Variants in PRMT2 observed in about 807,000 individuals in gnomAD.
PRMT2 encodes protein arginine methyltransferase 2.
Under a neutral mutation model 57.6 loss-of-function variants are expected in PRMT2, and 26 were observed. The observed-to-expected ratio is 0.45, with a 90% CI of 0.33 to 0.63. PRMT2 has a LOEUF of 0.63. Ranked by LOEUF, PRMT2 falls within the 20% of genes least tolerant of loss-of-function variation. The probability of loss-of-function intolerance (pLI) is 0.02; values close to 1 mark genes in which losing one functional copy is unlikely to be tolerated. For missense variants in PRMT2, 472 were observed against 564.4 expected (o/e 0.84, Z 1.66); for synonymous variants, 219 against 220.0 (o/e 1.00, Z 0.04).
At chr21:46,653,218 T>A (rs138595378) in intron 7 of PRMT2, 1 of 985,386 alleles carries the variant, frequency 1.0e-6, no homozygotes, top group African/African-American at 1.7e-5. Flanking sequence ...ATGTAATAAT[T>A]CTCTTCACAC....
At chr21:46,660,132 C>G in intron 8 of PRMT2, 1 of 973,048 alleles carries the variant, frequency 1.0e-6, no homozygotes, top group Non-Finnish European at 1.2e-6. Flanking sequence ...AAAACATTCA[C>G]TTTTATTTGC....
Position 46,649,538 on chromosome 21 carries a change from G to C in PRMT2, c.490-37G>C. The C allele has an allele frequency of 1.9e-6, 3 of 1,613,464 alleles. No individual in the cohort carries two copies. Among genetic ancestry groups the C allele is most frequent in the Non-Finnish European group, 2.5e-6 (3 of 1,180,002 alleles). On this transcript the variant is annotated intron_variant, in intron 6 of 11. Transcript: ENST00000355680. The surrounding 1 kb of genome is among the most constrained non-coding windows in gnomAD (Gnocchi z 4.8). ...GAGAGTAGATGACGGGCCGTGTGCCGGCCGGATGTACGCTGACGGTGCCTC... is the reference window on the plus strand; with the variant it reads ...GAGAGTAGATGACGGGCCGTGTGCCCGCCGGATGTACGCTGACGGTGCCTC...
chr21:46,642,983 TGCC>T (rs2061302589), intron 3 of PRMT2, among the ~76,000 whole-genome samples: 1 of 150,572 alleles, frequency 6.6e-6, no homozygotes, highest in Non-Finnish European at 1.5e-5. Context: ...GCCGAGATCA[TGCC>T]ATTGCCCTCC....
chr21:46,650,813 G>A (rs1425414921), intron 7 of PRMT2, among the ~76,000 whole-genome samples: 1 of 152,202 alleles, frequency 6.6e-6, no homozygotes, highest in Non-Finnish European at 1.5e-5. Flanking sequence ...CAGGAGGGAC[G>A]TGGGGCAGAG....
intron 7 of PRMT2, chr21:46,653,086 A>G (rs2061486307): frequency 3.9e-6 from 4 of 1,032,972 alleles, no homozygotes; most frequent in East Asian, 9.5e-5. Flanking sequence ...TGATGAGGAC[A>G]TATTATATTC....
In PRMT2 at chr21:46,649,241, T is replaced by A. The variant is rs1215463464; in HGVS notation, c.490-334T>A. 6.6e-6 allele frequency among the ~76,000 whole-genome samples: 1 copy of A among 152,212 alleles called. No homozygotes were observed. The highest frequency in any genetic ancestry group is 1.5e-5 in the Non-Finnish European group (1 of 68,032). ...TCAGATGTGGCACAGACCAGCATTG[T>A]CACTTGGGTGCTAAGAAGTTGCTGT... On this transcript the variant is annotated intron_variant, in intron 6 of 11. Transcript: ENST00000355680. This position sits in a 1 kb window ranked among gnomAD's most constrained non-coding sequence, Gnocchi z 4.8.
At chr21:46,653,198 G>C in intron 7 of PRMT2, 1 of 985,392 alleles carries the variant, frequency 1.0e-6, no homozygotes, top group African/African-American at 1.7e-5. Flanking sequence ...AACTGCTGAG[G>C]TTAACAAAGA....
At chr21:46,652,017 T>C (rs748223271) in intron 7 of PRMT2, 3 of 1,613,060 alleles carry the variant, frequency 1.9e-6, no homozygotes, top group Non-Finnish European at 2.5e-6. Flanking sequence ...CGCTGACATG[T>C]AGTAAAAGTC....
Position 46,648,253 on chromosome 21 carries a change from T to C in PRMT2, c.328-205T>C, listed in dbSNP as rs1217170660. 2 of 523,008 alleles carry C rather than the reference T, an allele frequency of 3.8e-6. No homozygotes were observed. Among genetic ancestry groups the C allele is most frequent in the South Asian group, 3.0e-5 (1 of 33,164 alleles). The allele number at this position is 523,008 out of a possible 1,614,324, so 32.4% of individuals were successfully genotyped here. A position where few individuals can be genotyped will look rare whatever the true frequency, so the allele number is the denominator to read the frequency against. On this transcript the variant is annotated intron_variant, in intron 5 of 11. Coordinates refer to ENST00000355680, the MANE Select transcript of PRMT2 (RefSeq NM_206962.4). The surrounding 1 kb of genome is among the most constrained non-coding windows in gnomAD (Gnocchi z 4.8). ...GTTCCTAGGTATTTTTTGTGTATTATTACTGTTATAAGGGGGTGGGTGAAG... is the reference window on the plus strand; with the variant it reads ...GTTCCTAGGTATTTTTTGTGTATTACTACTGTTATAAGGGGGTGGGTGAAG...
In PRMT2 at chr21:46,649,793, CGGGCTCGGCT is replaced by C. The variant is rs1569156761; in HGVS notation, c.654+59_654+68del. ...GCCGGAGCTGGGGGGCTTCTGAGCA[CGGGCTCGGCT>C]GGGCCAACCTCAGGATCTCAAGGGT... On this transcript the variant is annotated intron_variant, in intron 7 of 11. Transcript: ENST00000355680. The surrounding 1 kb of genome is among the most constrained non-coding windows in gnomAD (Gnocchi z 4.8). 2 of 1,581,092 alleles carry C rather than the reference CGGGCTCGGCT, an allele frequency of 1.3e-6. No individual in the cohort carries two copies. Among genetic ancestry groups the C allele is most frequent in the East Asian group, 4.6e-5 (2 of 43,134 alleles).
chr21:46,644,978 G>C (rs1316790721), intron 5 of PRMT2, among the ~76,000 whole-genome samples: 2 of 152,014 alleles, frequency 1.3e-5, no homozygotes, highest in East Asian at 1.9e-4. Context: ...GCTGACACCT[G>C]TAATCCCTAC....
chr21:46,649,468 C>T lies in PRMT2; in HGVS notation c.490-107C>T. 1 of 1,557,576 alleles carries T rather than the reference C, an allele frequency of 6.4e-7. No individual in the cohort carries two copies. Among genetic ancestry groups the T allele is most frequent in the Non-Finnish European group, 8.8e-7 (1 of 1,133,350 alleles). On this transcript the variant is annotated intron_variant, in intron 6 of 11. Coordinates refer to ENST00000355680, the MANE Select transcript of PRMT2 (RefSeq NM_206962.4). The surrounding 1 kb of genome is among the most constrained non-coding windows in gnomAD (Gnocchi z 4.8). Reference sequence around the variant, plus strand: ...CTCTGCTGTCTGGAATGCTGCTTCCCTCTTGTGTCATTGACCATTTCTCGT... The same window carrying T: ...CTCTGCTGTCTGGAATGCTGCTTCCTTCTTGTGTCATTGACCATTTCTCGT...
At position 46,648,662 on chromosome 21, in the gene PRMT2, C is replaced by G; in HGVS notation, c.489+43C>G. 6.3e-7 allele frequency: 1 copy of G among 1,599,954 alleles called. No homozygotes were observed. Among genetic ancestry groups the G allele is most frequent in the Non-Finnish European group, 8.5e-7 (1 of 1,169,842 alleles). On this transcript the variant is annotated intron_variant, in intron 6 of 11. Coordinates refer to ENST00000355680, the MANE Select transcript of PRMT2 (RefSeq NM_206962.4). The surrounding 1 kb of genome is among the most constrained non-coding windows in gnomAD (Gnocchi z 4.8). ...CGCATCCCGGGTGTTTGTGCCGAGG[C>G]TGGTGACGTCCGAGGTGGCCTCTGA...
Position 46,648,746 on chromosome 21 carries a change from TGAGCACCCTGCACGTGGGGCTCAGGGTCG to T in PRMT2, c.489+129_489+157del. The T allele has an allele frequency of 2.4e-6, 3 of 1,234,106 alleles. No individual in the cohort carries two copies. The highest frequency in any genetic ancestry group is 3.4e-6 in the Non-Finnish European group (3 of 880,356). 76.4% of individuals were successfully genotyped at this position (1,234,106 alleles called of 1,614,324 possible). ...CTCACCGGTGACTCCATGGTCTTGT[TGAGCACCCTGCACGTGGGGCTCAGGGTCG>T]GTAAAATAGCAGTGCGTGGAGACCG... On this transcript the variant is annotated intron_variant, in intron 6 of 11. Transcript: ENST00000355680. The surrounding 1 kb of genome is among the most constrained non-coding windows in gnomAD (Gnocchi z 4.8).
At chr21:46,644,562 T>A (rs1320336886) in intron 5 of PRMT2, 74 bp downstream of exon 5, 2 of 1,436,338 alleles carry the variant, frequency 1.4e-6, no homozygotes, top group African/African-American at 2.9e-5. Flanking sequence ...ACTGCAACGT[T>A]CAGAGCAGGC....
At position 46,664,263 on chromosome 21, in the gene PRMT2, C is replaced by T. The variant is rs767210454; in HGVS notation, c.1270-32C>T. The T allele has an allele frequency of 6.7e-6, 10 of 1,483,794 alleles. No individual in the cohort carries two copies. In the African/African-American group the frequency reaches 8.3e-5, roughly 12 times the overall value. The allele number at this position is 1,483,794 out of a possible 1,614,324, so 91.9% of individuals were successfully genotyped here. A position where few individuals can be genotyped will look rare whatever the true frequency, so the allele number is the denominator to read the frequency against. On this transcript the variant is annotated intron_variant, in intron 11 of 11. Transcript: ENST00000355680. The stretch of plus-strand genomic sequence containing the variant: ...GTATGTTAATCAAATGATTTATCAT[C>T]TGATTGACCTGTTGTCATTTATCTT...
In PRMT2 at chr21:46,648,638, G is replaced by A. The variant is rs532699148; in HGVS notation, c.489+19G>A. The A allele has an allele frequency of 2.0e-4, 324 of 1,606,096 alleles. 5 individuals are homozygous for A. In the South Asian group the frequency reaches 3.3e-3, roughly 16 times the overall value. ...TAGAGCGGTGAGTGGGGTCTCGAGCGCATCCCGGGTGTTTGTGCCGAGGCT... is the reference window on the plus strand; with the variant it reads ...TAGAGCGGTGAGTGGGGTCTCGAGCACATCCCGGGTGTTTGTGCCGAGGCT... On this transcript the variant is annotated intron_variant, in intron 6 of 11. Coordinates refer to ENST00000355680, the MANE Select transcript of PRMT2 (RefSeq NM_206962.4). This position sits in a 1 kb window ranked among gnomAD's most constrained non-coding sequence, Gnocchi z 4.8.
At chr21:46,652,965 C>A in intron 7 of PRMT2, 1 of 1,253,354 alleles carries the variant, frequency 8.0e-7, no homozygotes, top group South Asian at 1.3e-5. Flanking sequence ...CCTCCTGGAC[C>A]TTTCAGGACG....
chr21:46,664,100 A>G (rs2061669123), intron 11 of PRMT2, among the ~76,000 whole-genome samples, 195 bp from the exon 12 acceptor site: 1 of 152,240 alleles, frequency 6.6e-6, no homozygotes, highest in Non-Finnish European at 1.5e-5. Context: ...GAAAATAAAA[A>G]TAAATGGTTT....
Sources: allele counts gnomAD v4.1 joint callset (sites outside exome capture counted in the v4.1 genomes callset), GRCh38; gene constraint gnomAD v4.1.1; non-coding constraint Gnocchi (gnomAD v3.1); transcripts MANE v1.5; gene names NCBI Gene and HGNC (gene_info 2026-07-23, HGNC 2026-07-21).